The following APBB2 variants were observed in gnomAD, a reference collection of about 807,000 sequenced individuals.
APBB2 encodes the protein amyloid beta precursor protein binding family B member 2.
A neutral mutation model predicts 82.5 loss-of-function variants in APBB2; 38 were observed. That is an observed-to-expected ratio of 0.46 (90% CI 0.36 to 0.60). The LOEUF is 0.60. Among genes scored for constraint, APBB2 ranks in the 20% least tolerant of loss-of-function variants. The pLI, the probability that APBB2 is intolerant of heterozygous loss-of-function variation, is 0.00. For missense variants in APBB2, 772 were observed against 972.3 expected (o/e 0.79, Z 2.74); for synonymous variants, 341 against 368.2 (o/e 0.93, Z 0.85).
At chr4:41,032,866 G>C (rs531581613) in intron 5 of APBB2, among the ~76,000 whole-genome samples, 263 of 124,510 alleles carry the variant, frequency 2.1e-3, no homozygotes, top group African/African-American at 7.5e-3. Flanking sequence ...CTCACTGCAA[G>C]CTCCGCCTCC....
intron 12 of APBB2, among the ~76,000 whole-genome samples, chr4:40,845,495 C>T (rs1476731584): frequency 2.8e-5 from 4 of 145,418 alleles, no homozygotes; most frequent in South Asian, 2.2e-4. Flanking sequence ...AAATAAATGC[C>T]GGAGTAATTG....
intron 2 of APBB2, among the ~76,000 whole-genome samples, chr4:41,131,992 A>T (rs1756131999): frequency 6.6e-6 from 1 of 152,014 alleles, no homozygotes; most frequent in Admixed American, 6.6e-5. Flanking sequence ...GTGAGTCAAG[A>T]CTGCACCACT....
chr4:41,098,347 G>A (rs1744258316), intron 3 of APBB2, among the ~76,000 whole-genome samples: 1 of 152,042 alleles, frequency 6.6e-6, no homozygotes, highest in Admixed American at 6.5e-5. Flanking sequence ...ACTAAGCCCA[G>A]CAACTTTTTT....
At chr4:41,038,471 CT>C (rs1720112448) in intron 4 of APBB2, among the ~76,000 whole-genome samples, 1 of 152,190 alleles carries the variant, frequency 6.6e-6, no homozygotes, top group African/African-American at 2.4e-5. Context: ...AACTCCTCCC[CT>C]GACAGCCAGT....
chr4:40,984,572 C>G (rs1023062522), intron 6 of APBB2, among the ~76,000 whole-genome samples: 31 of 152,002 alleles, frequency 2.0e-4, no homozygotes, highest in Admixed American at 1.9e-3. Flanking sequence ...AGAATACAGG[C>G]CAGAAATGGT....
intron 1 of APBB2, among the ~76,000 whole-genome samples, chr4:41,207,198 C>CAAAAA (rs368548129): frequency 4.5e-5 from 3 of 67,346 alleles, no homozygotes; most frequent in African/African-American, 7.1e-5. Flanking sequence ...GACTCCGTCT[C>CAAAAA]AAAAAAAAAA....
At chr4:41,111,457 CA>C (rs1182763176) in intron 2 of APBB2, among the ~76,000 whole-genome samples, 1 of 152,094 alleles carries the variant, frequency 6.6e-6, no homozygotes, top group African/African-American at 2.4e-5. Flanking sequence ...TTTGGAGTAG[CA>C]AAAAGTTCTA....
chr4:40,984,291 A>G (rs1299605488), intron 6 of APBB2, among the ~76,000 whole-genome samples: 1 of 152,214 alleles, frequency 6.6e-6, no homozygotes, highest in Admixed American at 6.5e-5. Context: ...GTGTCTTACA[A>G]AAGTTCATGT....
chr4:40,858,376 A>C (rs1202147838), intron 12 of APBB2, among the ~76,000 whole-genome samples: 2 of 147,272 alleles, frequency 1.4e-5, no homozygotes, highest in African/African-American at 5.1e-5. Flanking sequence ...AATTGCTTGA[A>C]CCTGGGAGGT....
At chr4:40,950,468 T>C (rs942132026) in intron 6 of APBB2, among the ~76,000 whole-genome samples, 4 of 152,104 alleles carry the variant, frequency 2.6e-5, no homozygotes, top group East Asian at 1.9e-4. Flanking sequence ...TCCCAGCACA[T>C]TGGGAGGTCA....
intron 4 of APBB2, among the ~76,000 whole-genome samples, chr4:41,059,186 C>T (rs1458997211): frequency 2.0e-5 from 3 of 152,118 alleles, no homozygotes; most frequent in Admixed American, 1.3e-4. Flanking sequence ...TTAGGCTGGG[C>T]GAGGTGGCTC....
chr4:41,072,959 G>C (rs1327376562), intron 3 of APBB2, among the ~76,000 whole-genome samples: 1 of 151,562 alleles, frequency 6.6e-6, no homozygotes, highest in Admixed American at 6.6e-5. Flanking sequence ...GTATGATTGA[G>C]AACAAAAGGA....
chr4:40,894,890 C>T (rs1180499479), intron 10 of APBB2, among the ~76,000 whole-genome samples: 1 of 152,206 alleles, frequency 6.6e-6, no homozygotes, highest in Non-Finnish European at 1.5e-5. Context: ...AGCTGGGTCC[C>T]TCATCTCTCT....
chr4:41,112,390 G>A (rs933378898), intron 2 of APBB2, among the ~76,000 whole-genome samples: 1 of 152,194 alleles, frequency 6.6e-6, no homozygotes, highest in Non-Finnish European at 1.5e-5. Context: ...GATACAGGCA[G>A]GGCCAAAAAG....
Position 40,834,459 on chromosome 4 carries a change from C to T in APBB2, c.1530-3882G>A, listed in dbSNP as rs183879152. Among the ~76,000 whole-genome samples, 1,190 of 152,276 alleles carry T rather than the reference C, an allele frequency of 7.8e-3. 12 individuals are homozygous for T. The highest frequency in any genetic ancestry group is 8.9e-3 in the Non-Finnish European group (604 of 68,034). On this transcript the variant is annotated intron_variant, in intron 12 of 17. Coordinates refer to ENST00000508593, the MANE Select transcript of APBB2 (RefSeq NM_004307.2). ...GCGATCGAATTTCATTGATTTAAGACGAAATCCAAGCATCACTTGCCTGTG... is the reference window on the plus strand; with the variant it reads ...GCGATCGAATTTCATTGATTTAAGATGAAATCCAAGCATCACTTGCCTGTG...
At chr4:41,048,347 G>A (rs1724195125) in intron 4 of APBB2, among the ~76,000 whole-genome samples, 1 of 152,126 alleles carries the variant, frequency 6.6e-6, no homozygotes, top group Non-Finnish European at 1.5e-5. Flanking sequence ...AAATACTTCT[G>A]GTCGCAAACA....
intron 7 of APBB2, among the ~76,000 whole-genome samples, chr4:40,938,585 C>T (rs559535358): frequency 6.6e-6 from 1 of 152,142 alleles, no homozygotes; most frequent in African/African-American, 2.4e-5. Context: ...CAACAGAGTG[C>T]TCTTAAAGAC....
In APBB2 at chr4:40,811,646, G is replaced by GAT. The variant is rs1744439546; in HGVS notation, c.*4444_*4445dup. On this transcript the variant is annotated 3_prime_UTR_variant, in exon 18 of 18. Transcript: ENST00000508593. Reference sequence around the variant, plus strand: ...TTTACATTCTTGGACTTCTTCTTGAGATAAAAGTGCTGCAAAATTCTAAAT... The same window carrying GAT: ...TTTACATTCTTGGACTTCTTCTTGAGATATAAAAGTGCTGCAAAATTCTAAAT... 7.2e-6 allele frequency: 1 copy of GAT among 139,450 alleles called. No individual in the cohort carries two copies. The highest frequency in any genetic ancestry group is 1.7e-5 in the Non-Finnish European group (1 of 60,582). The allele number at this position is 139,450 out of a possible 1,614,324, so 8.6% of individuals were successfully genotyped here.
chr4:41,057,985 A>G (rs534507341), intron 4 of APBB2, among the ~76,000 whole-genome samples: 9 of 152,274 alleles, frequency 5.9e-5, no homozygotes, highest in Non-Finnish European at 1.3e-4. Context: ...ACCTACCCCC[A>G]GCATCCTAAT....
Sources: allele counts gnomAD v4.1 joint callset (sites outside exome capture counted in the v4.1 genomes callset), GRCh38; gene constraint gnomAD v4.1.1; transcripts MANE v1.5; gene names NCBI Gene and HGNC (gene_info 2026-07-23, HGNC 2026-07-21).